Variants in CWC27 observed in about 807,000 individuals in gnomAD.
The protein encoded by CWC27 is spliceosome-associated protein CWC27 homolog.
Under a neutral mutation model 63.6 loss-of-function variants are expected in CWC27, and 47 were observed. That is an observed-to-expected ratio of 0.74 (90% CI 0.58 to 0.94). The LOEUF (loss-of-function observed/expected upper bound fraction) is 0.94. CWC27 is among the 40% of genes least tolerant of loss of function. CWC27 has a pLI of 0.00. For synonymous variants in CWC27, 175 were observed against 179.8 expected (o/e 0.97, Z 0.22); for missense variants, 495 against 554.3 (o/e 0.89, Z 1.07).
At chr5:64,957,901 G>A (rs1403512026) in intron 11 of CWC27, among the ~76,000 whole-genome samples, 1 of 152,016 alleles carries the variant, frequency 6.6e-6, no homozygotes, top group Non-Finnish European at 1.5e-5. Context: ...TAACATGTTA[G>A]GTAAGATTAC....
intron 11 of CWC27, among the ~76,000 whole-genome samples, chr5:64,968,197 G>A (rs949611570): frequency 3.9e-5 from 6 of 151,940 alleles, no homozygotes; most frequent in South Asian, 2.1e-4. Context: ...ACTATTTCAC[G>A]CTCTCTAAAA....
At chr5:64,941,079 C>G (rs1302868444) in intron 11 of CWC27, among the ~76,000 whole-genome samples, 2 of 152,028 alleles carry the variant, frequency 1.3e-5, no homozygotes, top group African/African-American at 2.4e-5. Flanking sequence ...CTCTTGACCT[C>G]AAGTGATCTG....
intron 10 of CWC27, among the ~76,000 whole-genome samples, chr5:64,849,600 C>T (rs1159818117): frequency 1.3e-5 from 2 of 152,030 alleles, no homozygotes; most frequent in African/African-American, 4.8e-5. Flanking sequence ...AATGGGAGAA[C>T]ACACTAATAC....
Position 64,775,345 on chromosome 5 carries a change from T to C in CWC27, c.139+558T>C, listed in dbSNP as rs1414471639. Among the ~76,000 whole-genome samples, 3 of 152,166 alleles carry C rather than the reference T, an allele frequency of 2.0e-5. No individual in the cohort carries two copies. In the South Asian group the frequency reaches 6.2e-4, roughly 31 times the overall value. The stretch of plus-strand genomic sequence containing the variant: ...CCTCTTGCCTGCTCCCCTTCCTGTC[T>C]TTCATCCTTAATTTCTTTTCTCTCT... On this transcript the variant is annotated intron_variant, in intron 2 of 13. Coordinates refer to ENST00000381070, the MANE Select transcript of CWC27 (RefSeq NM_005869.4).
At chr5:64,900,348 C>T (rs530885474) in intron 11 of CWC27, among the ~76,000 whole-genome samples, 17 of 152,160 alleles carry the variant, frequency 1.1e-4, no homozygotes, top group Middle Eastern at 3.4e-3. Flanking sequence ...ATTTGTCATC[C>T]GTATATATTC....
In CWC27 at chr5:64,774,928, G is replaced by A. The variant is rs1743390383; in HGVS notation, c.139+141G>A. ...GCTATGAGGATATGGTATTGAGCTGGGTGTCCGGAAGTAGAGATAAGAGAT... is the reference window on the plus strand; with the variant it reads ...GCTATGAGGATATGGTATTGAGCTGAGTGTCCGGAAGTAGAGATAAGAGAT... On this transcript the variant is annotated intron_variant, in intron 2 of 13. Transcript: ENST00000381070. The A allele has an allele frequency of 2.8e-5, 14 of 500,462 alleles. No individual in the cohort carries two copies. The South Asian group carries it at 4.7e-4, about 17-fold the overall frequency. The allele number at this position is 500,462 out of a possible 1,614,324, so 31.0% of individuals were successfully genotyped here. A position where few individuals can be genotyped will look rare whatever the true frequency, so the allele number is the denominator to read the frequency against.
intron 11 of CWC27, among the ~76,000 whole-genome samples, chr5:64,906,942 G>T (rs1474278087): frequency 6.6e-6 from 1 of 152,140 alleles, no homozygotes; most frequent in Admixed American, 6.5e-5. Flanking sequence ...CCCATTTTGT[G>T]TTTTTGTCAG....
intron 7 of CWC27, among the ~76,000 whole-genome samples, chr5:64,794,552 A>G (rs932792664): frequency 1.3e-5 from 2 of 152,092 alleles, no homozygotes; most frequent in African/African-American, 4.8e-5. Flanking sequence ...TACTTAAGGA[A>G]GATCTTGACA....
At chr5:64,892,722 G>T (rs1021452940) in intron 11 of CWC27, among the ~76,000 whole-genome samples, 1 of 151,928 alleles carries the variant, frequency 6.6e-6, no homozygotes, top group African/African-American at 2.4e-5. Context: ...GATGATGGAT[G>T]TAAAGACCGT....
At chr5:64,852,041 G>A (rs191182932) in intron 10 of CWC27, among the ~76,000 whole-genome samples, 17 of 152,196 alleles carry the variant, frequency 1.1e-4, no homozygotes, top group Admixed American at 3.9e-4. Context: ...GTATAATTTG[G>A]AGAGCATGAT....
chr5:64,941,297 C>G (rs889880842), intron 11 of CWC27, among the ~76,000 whole-genome samples: 1 of 152,126 alleles, frequency 6.6e-6, no homozygotes, highest in East Asian at 1.9e-4. Flanking sequence ...CTTCTAGGCT[C>G]TCTCAGTAAA....
chr5:64,784,019 G>A, intron 4 of CWC27, 40 bp downstream of exon 4: 3 of 1,501,976 alleles, frequency 2.0e-6, no homozygotes, highest in Non-Finnish European at 2.7e-6. Flanking sequence ...TTCAGTTTTT[G>A]GTTTTATGTT....
At chr5:64,954,047 A>C (rs1748758676) in intron 11 of CWC27, among the ~76,000 whole-genome samples, 1 of 152,184 alleles carries the variant, frequency 6.6e-6, no homozygotes, top group African/African-American at 2.4e-5. Context: ...GATATTTATC[A>C]AATGTGAGAT....
intron 1 of CWC27, 58 bp from the exon 2 acceptor site, chr5:64,774,633 A>C: frequency 9.9e-7 from 1 of 1,013,272 alleles, no homozygotes; most frequent in Non-Finnish European, 1.4e-6. Flanking sequence ...TCAAATAGTT[A>C]TTCAACTGAT....
Position 64,804,301 on chromosome 5 carries a change from A to G in CWC27, c.853A>G (p.Ile285Val). The G allele has an allele frequency of 6.2e-7, 1 of 1,613,330 alleles. No homozygotes were observed. The highest frequency in any genetic ancestry group is 8.5e-7 in the Non-Finnish European group (1 of 1,179,642). The change falls in exon 10 of 14, where the codon ATT (isoleucine) becomes GTT (valine). Residue 285 changes from isoleucine to valine, a missense_variant. Physicochemically the swap from Ile to Val is conservative, Grantham distance 29. Around this residue, in one of 3 missense-constraint regions of CWC27, gnomAD observed 463 missense variants for 498.1 expected, o/e 0.93. Transcript: ENST00000381070. ...TGAAAAGAACCTGATGAGAGAAAGA[A>G]TTGCCAAAAAATTAAAAAAGGACAC... ...GDEKNLMRER[I>V]AKKLKKDTSA...
At chr5:64,922,010 T>G (rs1044831015) in intron 11 of CWC27, among the ~76,000 whole-genome samples, 4 of 152,220 alleles carry the variant, frequency 2.6e-5, no homozygotes, top group Non-Finnish European at 5.9e-5. Context: ...CCTGTAAGGT[T>G]TCTGCTGAAA....
At chr5:64,887,096 C>A (rs571565379) in intron 11 of CWC27, among the ~76,000 whole-genome samples, 112 of 151,550 alleles carry the variant, frequency 7.4e-4, no homozygotes, top group African/African-American at 2.6e-3. Context: ...ATTATTAGTA[C>A]CCTCATGTCT....
At chr5:64,818,667 C>G (rs1263676295) in intron 10 of CWC27, among the ~76,000 whole-genome samples, 1 of 152,054 alleles carries the variant, frequency 6.6e-6, no homozygotes, top group Non-Finnish European at 1.5e-5. Flanking sequence ...CATGTCTAGT[C>G]ACCTATAAAA....
chr5:64,908,752 C>G (rs1422052986), intron 11 of CWC27, among the ~76,000 whole-genome samples: 1 of 152,148 alleles, frequency 6.6e-6, no homozygotes, highest in African/African-American at 2.4e-5. Context: ...CTTCCTCCAT[C>G]CCTTTATTTT....
Sources: gnomAD v4.1 joint callset for allele counts (sites outside exome capture counted in the v4.1 genomes callset) on GRCh38, gnomAD v4.1.1 for gene constraint, gnomAD v4.1.1 regional missense constraint, MANE v1.5 for transcripts, NCBI Gene and HGNC (gene_info 2026-07-23, HGNC 2026-07-21) for gene names.